PSKH1: variants seen among roughly 807,000 people sequenced by gnomAD.
PSKH1 encodes the protein protein serine kinase H1.
Under a neutral mutation model 26.7 loss-of-function variants are expected in PSKH1, and 12 were observed. The observed-to-expected ratio is 0.45, with a 90% CI of 0.29 to 0.73. The LOEUF (loss-of-function observed/expected upper bound fraction) is 0.73, where lower values mean the gene tolerates loss of function less well. Among genes scored for constraint, PSKH1 ranks in the 30% least tolerant of loss-of-function variants. The probability of loss-of-function intolerance (pLI) is 0.11; values close to 1 mark genes in which losing one functional copy is unlikely to be tolerated. For synonymous variants in PSKH1, 213 were observed against 234.3 expected, an observed-to-expected ratio of 0.91 and a Z score of 0.83; for missense variants, 431 against 595.2, an observed-to-expected ratio of 0.72 and a Z score of 2.87.
At chr16:67,903,836 C>T (rs1023457822) in intron 1 of PSKH1, among the ~76,000 whole-genome samples, 66 of 147,794 alleles carry the variant, frequency 4.5e-4, no homozygotes, top group Admixed American at 3.4e-3. Context: ...TGGGGCACTA[C>T]ACTCTTTTTT....
intron 1 of PSKH1, among the ~76,000 whole-genome samples, chr16:67,904,095 A>G (rs926103955): frequency 6.7e-6 from 1 of 149,746 alleles, no homozygotes; most frequent in African/African-American, 2.5e-5. Flanking sequence ...GGCTCACTGC[A>G]ACCTATGCCT....
chr16:67,910,318 C>T (rs1450078109), intron 2 of PSKH1, among the ~76,000 whole-genome samples: 1 of 152,108 alleles, frequency 6.6e-6, no homozygotes, highest in Non-Finnish European at 1.5e-5. Context: ...AGGGGGTGGG[C>T]TGAGAGGATG....
At chr16:67,896,535 C>CTTTTTTTTT (rs959626962) in intron 1 of PSKH1, among the ~76,000 whole-genome samples, 3 of 80,952 alleles carry the variant, frequency 3.7e-5, no homozygotes, top group African/African-American at 1.6e-4. Context: ...TAGTGTGCTT[C>CTTTTTTTTT]TTTTTTTTTT....
intron 2 of PSKH1, among the ~76,000 whole-genome samples, chr16:67,925,038 C>T (rs1479791952): frequency 6.6e-6 from 1 of 151,916 alleles, no homozygotes; most frequent in African/African-American, 2.4e-5. Context: ...CTCTTGGGCT[C>T]AAGCAGTCCT....
At chr16:67,900,108 C>T (rs2058137578) in intron 1 of PSKH1, among the ~76,000 whole-genome samples, 1 of 151,864 alleles carries the variant, frequency 6.6e-6, no homozygotes, top group African/African-American at 2.4e-5. Context: ...TTACAGGTGC[C>T]CACTACCATG....
Position 67,909,382 on chromosome 16 carries a change from A to G in PSKH1, c.633A>G (p.Ala211=). The G allele has an allele frequency of 6.2e-7, 1 of 1,613,862 alleles. No individual in the cohort carries two copies. The highest frequency in any genetic ancestry group is 2.2e-5 in the East Asian group (1 of 44,868). Residue 211 remains alanine (A), a synonymous_variant, in exon 2 of 3, where the codon GCA becomes GCG. Transcript: ENST00000291041. The surrounding 1 kb of genome is among the most constrained non-coding windows in gnomAD (Gnocchi z 7.8). ...MVLDGVRYLH[A]LGITHRDLKP... ...TGGATGGCGTCCGGTATCTGCATGC[A>G]CTGGGCATCACACACCGAGACCTCA...
chr16:67,925,375 G>C (rs1285949079), intron 2 of PSKH1, among the ~76,000 whole-genome samples: 1 of 151,552 alleles, frequency 6.6e-6, no homozygotes, highest in South Asian at 2.1e-4. Context: ...TGTATTTTTA[G>C]TAGAGACGGG....
Position 67,928,906 on chromosome 16 carries a change from G to A in PSKH1, c.*1264G>A, listed in dbSNP as rs1334720437. 6.5e-6 allele frequency: 1 copy of A among 152,726 alleles called. No homozygotes were observed. The highest frequency in any genetic ancestry group is 1.9e-4 in the East Asian group (1 of 5,198). The allele number at this position is 152,726 out of a possible 1,614,324, so 9.5% of individuals were successfully genotyped here. ...ACCTGCCTCTGAAACCAGGGTGCCAGGGGCACTGCCTTCTCACAGCTGGCC... is the reference window on the plus strand; with the variant it reads ...ACCTGCCTCTGAAACCAGGGTGCCAAGGGCACTGCCTTCTCACAGCTGGCC... On this transcript the variant is annotated 3_prime_UTR_variant, in exon 3 of 3. Transcript: ENST00000291041. The surrounding 1 kb of genome is among the most constrained non-coding windows in gnomAD (Gnocchi z 4.8).
rs1164661895 is a variant in PSKH1, at chr16:67,922,939, A to T, written c.958-4386A>T. 2.0e-5 allele frequency among the ~76,000 whole-genome samples: 3 copies of T among 152,356 alleles called. No homozygotes were observed. The South Asian group carries it at 6.2e-4, about 32-fold the overall frequency. On this transcript the variant is annotated intron_variant, in intron 2 of 2. Transcript: ENST00000291041. ...CTCCTCTGTCTGCAGCCTCTGCTAG[A>T]GAGCTGGCGCTGTTCTTTGTTTCAT...
chr16:67,923,972 G>A (rs1180051564), intron 2 of PSKH1, among the ~76,000 whole-genome samples: 1 of 152,190 alleles, frequency 6.6e-6, no homozygotes, highest in Non-Finnish European at 1.5e-5. Context: ...CTGGCTGTGG[G>A]CGAGTGTGGA....
At chr16:67,899,516 T>C (rs1209008566) in intron 1 of PSKH1, among the ~76,000 whole-genome samples, 1 of 151,972 alleles carries the variant, frequency 6.6e-6, no homozygotes, top group Non-Finnish European at 1.5e-5. Flanking sequence ...TTTGTATTTT[T>C]AGTAGAGACC....
chr16:67,926,909 C>T (rs1299644240), intron 2 of PSKH1, among the ~76,000 whole-genome samples: 1 of 152,104 alleles, frequency 6.6e-6, no homozygotes, highest in Non-Finnish European at 1.5e-5. Context: ...AGGAAGTTCC[C>T]CTTTAAGTAG....
intron 2 of PSKH1, among the ~76,000 whole-genome samples, chr16:67,922,322 C>T (rs1158335132): frequency 1.3e-5 from 2 of 152,210 alleles, no homozygotes; most frequent in African/African-American, 4.8e-5. Context: ...CTTTTCTCTG[C>T]TCTCATTCAG....
intron 2 of PSKH1, among the ~76,000 whole-genome samples, chr16:67,917,571 G>A (rs2058191095): frequency 6.6e-6 from 1 of 152,206 alleles, no homozygotes; most frequent in Non-Finnish European, 1.5e-5. Context: ...TTCTCCTGAG[G>A]GAAGCACCAG....
intron 2 of PSKH1, among the ~76,000 whole-genome samples, chr16:67,916,219 A>G (rs950377352): frequency 6.6e-6 from 1 of 152,216 alleles, no homozygotes; most frequent in Non-Finnish European, 1.5e-5. Context: ...GTGTGAATGA[A>G]GGACCTCTGA....
At chr16:67,910,052 GTGCC>G (rs796732039) in intron 2 of PSKH1, 4 of 470,278 alleles carry the variant, frequency 8.5e-6, no homozygotes, top group African/African-American at 7.7e-5. Flanking sequence ...CATGTGGAAT[GTGCC>G]TCATAGTTGT....
Position 67,927,415 on chromosome 16 carries a change from C to G in PSKH1, c.1048C>G (p.Leu350Val). The G allele has an allele frequency of 6.2e-7, 1 of 1,614,192 alleles. No homozygotes were observed. The highest frequency in any genetic ancestry group is 8.5e-7 in the Non-Finnish European group (1 of 1,180,038). The change falls in exon 3 of 3, where the codon CTG becomes GTG. Residue 350 changes from leucine to valine, a missense_variant. Leu to Val is a conservative substitution (Grantham distance 32). Transcript: ENST00000291041. The surrounding 1 kb of genome is among the most constrained non-coding windows in gnomAD (Gnocchi z 5.5). Reference protein sequence around the residue: ...PGARMTALQALRHPWVVSMAA... With the variant: ...PGARMTALQAVRHPWVVSMAA... ...AGCCCGTATGACTGCACTGCAGGCC[C>G]TGAGGCACCCGTGGGTGGTGAGCAT...
In PSKH1 at chr16:67,909,248, C is replaced by T. The variant is rs757495547; in HGVS notation, c.499C>T (p.Arg167Trp). The part of the protein sequence containing the change: ...QLVEVFETQE[R>W]VYMVMELATG... ...GGTGGAGGTGTTCGAGACACAGGAG[C>T]GGGTGTACATGGTGATGGAGCTGGC... Residue 167 changes from arginine (R) to tryptophan (W), a missense_variant, in exon 2 of 3, where the codon CGG becomes TGG. By Grantham distance (101) the Arg-to-Trp change is moderately radical. Transcript: ENST00000291041. This position sits in a 1 kb window ranked among gnomAD's most constrained non-coding sequence, Gnocchi z 7.8. 3.1e-6 allele frequency: 5 copies of T among 1,613,930 alleles called. No homozygotes were observed. Among genetic ancestry groups the T allele is most frequent in the East Asian group, 2.2e-5 (1 of 44,884 alleles).
intron 2 of PSKH1, among the ~76,000 whole-genome samples, chr16:67,925,872 G>A (rs1035646614): frequency 6.6e-6 from 1 of 152,194 alleles, no homozygotes; most frequent in African/African-American, 2.4e-5. Context: ...CTCTGTGGCA[G>A]TGGGGAAGGG....
Sources: gnomAD v4.1 joint callset for allele counts (sites outside exome capture counted in the v4.1 genomes callset) on GRCh38, gnomAD v4.1.1 for gene constraint, Gnocchi (gnomAD v3.1) non-coding constraint, MANE v1.5 for transcripts, NCBI Gene and HGNC (gene_info 2026-07-23, HGNC 2026-07-21) for gene names.